Variants in CAP2 observed in about 807,000 individuals in gnomAD.
CAP2 encodes the protein adenylyl cyclase-associated protein 2.
In CAP2, 24 loss-of-function variants were observed where a neutral mutation model predicts 57.7. The ratio of observed to expected loss-of-function variants is 0.42; its 90% CI spans 0.30 to 0.58. The LOEUF is 0.58. CAP2 is among the 20% of genes least tolerant of loss of function. The pLI is 0.22. For missense variants in CAP2, 501 were observed against 590.3 expected, an observed-to-expected ratio of 0.85 and a Z score of 1.57; for synonymous variants, 194 against 207.2, an observed-to-expected ratio of 0.94 and a Z score of 0.55.
intron 3 of CAP2, among the ~76,000 whole-genome samples, chr6:17,442,098 C>A (rs535556010): frequency 1.5e-4 from 23 of 152,206 alleles, no homozygotes; most frequent in African/African-American, 5.5e-4. Flanking sequence ...GTAGTTGATA[C>A]TTTAGGGGCA....
intron 3 of CAP2, among the ~76,000 whole-genome samples, chr6:17,440,606 C>CTGTGTGTGGTGTGTGTGTGTGTGTGTGTG (rs1760044785): frequency 7.0e-6 from 1 of 143,206 alleles, no homozygotes; most frequent in Non-Finnish European, 1.5e-5. Context: ...TGAAAACAAA[C>CTGTGTGTGGTGTGTGTGTGTGTGTGTGTG]TGTGTGTGGT....
At chr6:17,551,434 T>A (rs113536756) in intron 11 of CAP2, 30 bp from the exon 12 acceptor site, 47 of 1,555,580 alleles carry the variant, frequency 3.0e-5, no homozygotes, top group Non-Finnish European at 3.8e-5. Flanking sequence ...GTTTCTTTGC[T>A]TTGGTCCCAG....
intron 4 of CAP2, among the ~76,000 whole-genome samples, chr6:17,466,751 C>A (rs982654151): frequency 6.6e-6 from 1 of 152,184 alleles, no homozygotes; most frequent in Non-Finnish European, 1.5e-5. Context: ...AGCACAGAAT[C>A]CCTTGGTAGT....
intron 2 of CAP2, among the ~76,000 whole-genome samples, chr6:17,425,706 G>A (rs188380294): frequency 5.3e-5 from 8 of 152,262 alleles, no homozygotes; most frequent in Admixed American, 3.9e-4. Flanking sequence ...CCCTGGGTCC[G>A]GAGGGAATGA....
chr6:17,423,336 A>G (rs1358443833), intron 2 of CAP2, among the ~76,000 whole-genome samples: 1 of 152,212 alleles, frequency 6.6e-6, no homozygotes, highest in African/African-American at 2.4e-5. Flanking sequence ...GTTTTAAGGA[A>G]GGCTGCCAGG....
intron 4 of CAP2, among the ~76,000 whole-genome samples, chr6:17,494,052 C>T (rs1325562140): frequency 6.6e-6 from 1 of 152,186 alleles, no homozygotes; most frequent in Non-Finnish European, 1.5e-5. Flanking sequence ...TTTTCACAAT[C>T]TCCACTACAT....
chr6:17,508,813 G>A (rs184289637), intron 6 of CAP2, among the ~76,000 whole-genome samples: 8 of 150,422 alleles, frequency 5.3e-5, no homozygotes, highest in East Asian at 3.9e-4. Flanking sequence ...ACAGTGGTGC[G>A]ATCTTGGCAT....
chr6:17,523,672 C>T (rs1439775803), intron 7 of CAP2, among the ~76,000 whole-genome samples: 2 of 152,168 alleles, frequency 1.3e-5, no homozygotes, highest in Non-Finnish European at 2.9e-5. Context: ...GCCAGTGATA[C>T]CAACTGTAGT....
At chr6:17,458,054 T>C (rs768317479) in intron 3 of CAP2, among the ~76,000 whole-genome samples, 13 of 152,230 alleles carry the variant, frequency 8.5e-5, no homozygotes, top group Non-Finnish European at 1.6e-4. Flanking sequence ...TTGTATTTTG[T>C]AGTCTTTTAT....
At chr6:17,417,613 T>C (rs1759318635) in intron 1 of CAP2, among the ~76,000 whole-genome samples, 1 of 152,138 alleles carries the variant, frequency 6.6e-6, no homozygotes, top group Non-Finnish European at 1.5e-5. Flanking sequence ...TTGTGCGATG[T>C]TATGTTCCTT....
chr6:17,466,769 C>T (rs555624748), intron 4 of CAP2, among the ~76,000 whole-genome samples: 2 of 152,270 alleles, frequency 1.3e-5, no homozygotes, highest in Admixed American at 1.3e-4. Flanking sequence ...AGTCAAATCT[C>T]GAATTCATAT....
chr6:17,426,544 T>C, intron 2 of CAP2, 46 bp from the exon 3 acceptor site: 1 of 1,440,100 alleles, frequency 6.9e-7, no homozygotes, highest in South Asian at 1.1e-5. Flanking sequence ...TAGTCCCAGG[T>C]TTTCATTCAA....
rs146603972 is a variant in CAP2, at chr6:17,464,328, T to G, written c.300+1255T>G. 2.0e-3 allele frequency among the ~76,000 whole-genome samples: 301 copies of G among 152,300 alleles called. 1 individual carries two copies. Among genetic ancestry groups the G allele is most frequent in the African/African-American group, 6.9e-3 (288 of 41,560 alleles). On this transcript the variant is annotated intron_variant, in intron 4 of 12. Transcript: ENST00000229922. ...GAGCATATGTTATGACACAATAGCTTAAATGTAATAACTCACTTTGAATTA... is the reference window on the plus strand; with the variant it reads ...GAGCATATGTTATGACACAATAGCTGAAATGTAATAACTCACTTTGAATTA...
chr6:17,539,543 G>T (rs1762851279), intron 8 of CAP2, 85 bp downstream of exon 8: 3 of 967,626 alleles, frequency 3.1e-6, no homozygotes, highest in African/African-American at 3.3e-5. Context: ...CCCAGTGATG[G>T]ATACATCACT....
At chr6:17,396,734 A>G (rs1409893838) in intron 1 of CAP2, among the ~76,000 whole-genome samples, 2 of 152,230 alleles carry the variant, frequency 1.3e-5, no homozygotes, top group African/African-American at 2.4e-5. Context: ...CTAATCGACT[A>G]TAGTGATAGT....
intron 3 of CAP2, among the ~76,000 whole-genome samples, chr6:17,450,068 T>G (rs80239594): frequency 6.6e-6 from 1 of 152,230 alleles, no homozygotes; most frequent in African/African-American, 2.4e-5. Flanking sequence ...TTTTTTTTTT[T>G]TAAGACTGGG....
At chr6:17,447,550 G>A (rs1248796435) in intron 3 of CAP2, among the ~76,000 whole-genome samples, 1 of 152,240 alleles carries the variant, frequency 6.6e-6, no homozygotes, top group African/African-American at 2.4e-5. Context: ...TCAGGCTGGA[G>A]TGCAGTGGCG....
At chr6:17,457,532 T>G (rs1760605864) in intron 3 of CAP2, among the ~76,000 whole-genome samples, 1 of 152,192 alleles carries the variant, frequency 6.6e-6, no homozygotes, top group Admixed American at 6.5e-5. Flanking sequence ...TAAAAACGAA[T>G]GTAGATTAGA....
intron 4 of CAP2, among the ~76,000 whole-genome samples, chr6:17,482,255 G>C (rs1271367966): frequency 6.6e-6 from 1 of 152,058 alleles, no homozygotes; most frequent in Non-Finnish European, 1.5e-5. Context: ...GGCTGGGCGC[G>C]GTGGCTCACG....
Sources: gnomAD v4.1 joint callset for allele counts (sites outside exome capture counted in the v4.1 genomes callset) on GRCh38, gnomAD v4.1.1 for gene constraint, MANE v1.5 for transcripts, NCBI Gene and HGNC (gene_info 2026-07-23, HGNC 2026-07-21) for gene names.